CSGALNACT1: variants seen among roughly 807,000 people sequenced by gnomAD.
CSGALNACT1 encodes chondroitin sulfate N-acetylgalactosaminyltransferase 1.
CSGALNACT1 carries 52 observed loss-of-function variants against 51.0 expected under a neutral mutation model. That is an observed-to-expected ratio of 1.02 (90% CI 0.82 to 1.29). CSGALNACT1 has a LOEUF of 1.29. CSGALNACT1 is among the 50% of genes most tolerant of loss of function. CSGALNACT1 has a pLI of 0.00. For synonymous variants in CSGALNACT1, 341 were observed against 254.4 expected (o/e 1.34, Z -3.24); for missense variants, 935 against 679.2 (o/e 1.38, Z -4.19).
chr8:19,689,937 C>T (rs935913685), intron 1 of CSGALNACT1, among the ~76,000 whole-genome samples: 6 of 152,180 alleles, frequency 3.9e-5, no homozygotes, highest in African/African-American at 1.4e-4. Context: ...AAAAACCAAC[C>T]GCCAATGCCT....
At chr8:19,720,870 G>T (rs983631466) in intron 1 of CSGALNACT1, among the ~76,000 whole-genome samples, 1 of 152,196 alleles carries the variant, frequency 6.6e-6, no homozygotes, top group African/African-American at 2.4e-5. Flanking sequence ...AAGAATCTGA[G>T]CCAGATACCT....
At chr8:19,558,149 G>A (rs2154092939) in intron 3 of CSGALNACT1, among the ~76,000 whole-genome samples, 1 of 152,310 alleles carries the variant, frequency 6.6e-6, no homozygotes, top group East Asian at 1.9e-4. Context: ...ACCACAGAAT[G>A]TTGTGAAGCT....
chr8:19,407,443 C>A (rs991130902), intron 9 of CSGALNACT1, among the ~76,000 whole-genome samples: 1 of 152,106 alleles, frequency 6.6e-6, no homozygotes, highest in East Asian at 1.9e-4. Context: ...CAGCTGAGCC[C>A]CTGCACCTGA....
chr8:19,427,329 T>C (rs1252168432), intron 6 of CSGALNACT1, among the ~76,000 whole-genome samples: 1 of 152,224 alleles, frequency 6.6e-6, no homozygotes, highest in African/African-American at 2.4e-5. Context: ...CAGATTGTCT[T>C]TTCTTGCCCA....
intron 4 of CSGALNACT1, among the ~76,000 whole-genome samples, chr8:19,472,724 T>C (rs2068489331): frequency 6.6e-6 from 1 of 152,170 alleles, no homozygotes; most frequent in Admixed American, 6.5e-5. Flanking sequence ...GACTTGAGAA[T>C]AGAAAAACAT....
chr8:19,743,673 T>C (rs1286099205), intron 1 of CSGALNACT1, among the ~76,000 whole-genome samples: 1 of 152,226 alleles, frequency 6.6e-6, no homozygotes, highest in African/African-American at 2.4e-5. Flanking sequence ...TAACTACTTA[T>C]TGATTGCTAT....
intron 1 of CSGALNACT1, among the ~76,000 whole-genome samples, chr8:19,607,911 C>T (rs1284678077): frequency 2.6e-5 from 4 of 152,100 alleles, no homozygotes; most frequent in African/African-American, 9.7e-5. Context: ...ATAAGCTACA[C>T]CGATTAATGA....
intron 3 of CSGALNACT1, among the ~76,000 whole-genome samples, chr8:19,561,193 G>C (rs2040625259): frequency 6.6e-6 from 1 of 152,084 alleles, no homozygotes; most frequent in Non-Finnish European, 1.5e-5. Context: ...ATCAGGAAGG[G>C]ACTCATGGAA....
intron 6 of CSGALNACT1, among the ~76,000 whole-genome samples, chr8:19,428,823 ATATGTGTGTGTGTGTG>A (rs941764762): frequency 5.9e-5 from 3 of 51,248 alleles, no homozygotes; most frequent in South Asian, 7.6e-4. Flanking sequence ...ATAAGACATG[ATATGTGTGTGTGTGTG>A]TGTGTGTGTG....
intron 4 of CSGALNACT1, among the ~76,000 whole-genome samples, chr8:19,469,279 T>C (rs1343100757): frequency 6.6e-6 from 1 of 152,140 alleles, no homozygotes; most frequent in Non-Finnish European, 1.5e-5. Flanking sequence ...TAGTCCCAGC[T>C]ACTTAGGCGG....
Position 19,719,364 on chromosome 8 carries a change from T to C in CSGALNACT1, c.-297+38486A>G, listed in dbSNP as rs573355806. Among the ~76,000 whole-genome samples the C allele has an allele frequency of 2.6e-4, 39 of 152,290 alleles. No homozygotes were observed. The Middle Eastern group carries it at 0.01, about 40-fold the overall frequency. ...TGATGCGAGGTTGACAAGTGGATCT[T>C]CTTATGCCGATATTTGTCATTATCT... On this transcript the variant is annotated intron_variant, in intron 1 of 1. Coordinates refer to the CSGALNACT1 transcript ENST00000517494.
rs2083098459 is a variant in CSGALNACT1 at position 19,533,117 on chromosome 8, TTTTG to T, written c.-296-26991_-296-26988del. ...TCTTAAAGCAGTTTGACGTTTTTGTTTTTGTTTTTGTTTTTGAGAGACAAGGTCT... is the reference window on the plus strand; with the variant it reads ...TCTTAAAGCAGTTTGACGTTTTTGTTTTTTTGTTTTTGAGAGACAAGGTCT... On this transcript the variant is annotated intron_variant, in intron 3 of 9. Transcript: ENST00000454498. Among the ~76,000 whole-genome samples the T allele has an allele frequency of 3.9e-5, 6 of 152,176 alleles. No individual in the cohort carries two copies. In the South Asian group the frequency reaches 1.2e-3, roughly 32 times the overall value.
intron 3 of CSGALNACT1, among the ~76,000 whole-genome samples, chr8:19,519,709 A>G (rs2080262414): frequency 6.6e-6 from 1 of 152,196 alleles, no homozygotes; most frequent in South Asian, 2.1e-4. Context: ...CTTTGGTGCC[A>G]AAAGTGACAA....
chr8:19,743,100 A>G (rs574245108), intron 1 of CSGALNACT1, among the ~76,000 whole-genome samples: 73 of 152,268 alleles, frequency 4.8e-4, no homozygotes, highest in African/African-American at 1.7e-3. Context: ...AGATACACAC[A>G]CGCTGATTTC....
intron 4 of CSGALNACT1, among the ~76,000 whole-genome samples, chr8:19,472,746 A>T (rs987804769): frequency 2.6e-5 from 4 of 152,224 alleles, no homozygotes; most frequent in African/African-American, 9.6e-5. Flanking sequence ...AAGATGCTTC[A>T]AAAAGCTTAT....
intron 4 of CSGALNACT1, among the ~76,000 whole-genome samples, chr8:19,500,685 G>A (rs1346869190): frequency 6.6e-6 from 1 of 152,202 alleles, no homozygotes; most frequent in Non-Finnish European, 1.5e-5. Flanking sequence ...AAGAGTACAG[G>A]AGGTTGGCAT....
intron 1 of CSGALNACT1, among the ~76,000 whole-genome samples, chr8:19,690,063 A>G (rs1391588951): frequency 6.6e-6 from 1 of 152,274 alleles, no homozygotes; most frequent in Non-Finnish European, 1.5e-5. Flanking sequence ...ACAGGACTCA[A>G]CAAATAAAAC....
chr8:19,651,026 G>A (rs542337825), intron 1 of CSGALNACT1, among the ~76,000 whole-genome samples: 9 of 152,150 alleles, frequency 5.9e-5, no homozygotes, highest in Non-Finnish European at 7.3e-5. Flanking sequence ...GCATGGAGGT[G>A]CGGTCTTCAG....
intron 4 of CSGALNACT1, among the ~76,000 whole-genome samples, chr8:19,464,071 C>T (rs1169725305): frequency 1.3e-5 from 2 of 152,208 alleles, no homozygotes; most frequent in African/African-American, 2.4e-5. Flanking sequence ...TGACAGATGT[C>T]ACACTACTGA....
Sources: gnomAD v4.1 joint callset for allele counts (sites outside exome capture counted in the v4.1 genomes callset) on GRCh38, gnomAD v4.1.1 for gene constraint, MANE v1.5 for transcripts, NCBI Gene and HGNC (gene_info 2026-07-23, HGNC 2026-07-21) for gene names.